STN1: variants seen among roughly 807,000 people sequenced by gnomAD.
The protein encoded by STN1 is CST complex subunit STN1.
In STN1, 29 loss-of-function variants were observed where a neutral mutation model predicts 45.5. The ratio of observed to expected loss-of-function variants is 0.64; its 90% CI spans 0.47 to 0.87. STN1 has a LOEUF of 0.87. STN1 is among the 40% of genes least tolerant of loss of function. The pLI, the probability that STN1 is intolerant of heterozygous loss-of-function variation, is 0.00. For missense variants in STN1, 376 were observed against 441.4 expected, an observed-to-expected ratio of 0.85 and a Z score of 1.33; for synonymous variants, 148 against 159.0, an observed-to-expected ratio of 0.93 and a Z score of 0.52.
At position 103,882,566 on chromosome 10, in the gene STN1, G is replaced by C; in HGVS notation, c.*118C>G. 9.4e-7 allele frequency: 1 copy of C among 1,063,248 alleles called. No individual in the cohort carries two copies. Among genetic ancestry groups the C allele is most frequent in the Non-Finnish European group, 1.3e-6 (1 of 747,232 alleles). The allele number at this position is 1,063,248 out of a possible 1,614,324, so 65.9% of individuals were successfully genotyped here. On this transcript the variant is annotated 3_prime_UTR_variant, in exon 10 of 10. Transcript: ENST00000224950. Reference sequence around the variant, plus strand: ...ATTCCCAAGATGACTATATTTTATAGTTTATTATGAGGTAACTGCCTCCAG... The same window carrying C: ...ATTCCCAAGATGACTATATTTTATACTTTATTATGAGGTAACTGCCTCCAG...
Position 103,882,608 on chromosome 10 carries a change from A to G in STN1, c.*76T>C. ...TGCCTCCAGACAGATAAGCCCCTGC[A>G]TGATGCTGAAAGTCAGAGCCTGGGG... On this transcript the variant is annotated 3_prime_UTR_variant, in exon 10 of 10. Transcript: ENST00000224950. 1.4e-6 allele frequency: 2 copies of G among 1,461,272 alleles called. No individual in the cohort carries two copies. Among genetic ancestry groups the G allele is most frequent in the Non-Finnish European group, 1.9e-6 (2 of 1,078,516 alleles). 90.5% of individuals were successfully genotyped at this position (1,461,272 alleles called of 1,614,324 possible).
intron 8 of STN1, 42 bp from the exon 9 acceptor site, chr10:103,889,186 A>G (rs753995532): frequency 7.8e-7 from 1 of 1,285,784 alleles, no homozygotes; most frequent in Non-Finnish European, 1.1e-6. Flanking sequence ...GTTCTTAGGT[A>G]ACACAGCAGT....
chr10:103,878,192 G>T lies in STN1; in HGVS notation c.*4492C>A, dbSNP rs963357050. The T allele has an allele frequency of 6.6e-6, 1 of 152,232 alleles. No individual in the cohort carries two copies. The highest frequency in any genetic ancestry group is 1.5e-5 in the Non-Finnish European group (1 of 68,054). The allele number at this position is 152,232 out of a possible 1,614,324, so 9.4% of individuals were successfully genotyped here. On this transcript the variant is annotated 3_prime_UTR_variant, in exon 10 of 10. Transcript: ENST00000224950. ...CCTTGACCAGACAGTAGCACTATTTGTCTTCTTGCCTACACAAGCTACATG... is the reference window on the plus strand; with the variant it reads ...CCTTGACCAGACAGTAGCACTATTTTTCTTCTTGCCTACACAAGCTACATG...
intron 3 of STN1, among the ~76,000 whole-genome samples, chr10:103,908,737 A>C (rs575453565): frequency 6.6e-6 from 1 of 152,340 alleles, no homozygotes; most frequent in East Asian, 1.9e-4. Context: ...ATAGTGCCTT[A>C]ATCTTTTTAT....
intron 9 of STN1, among the ~76,000 whole-genome samples, chr10:103,888,806 A>G (rs572823837): frequency 2.0e-5 from 3 of 152,332 alleles, no homozygotes; most frequent in South Asian, 2.1e-4. Flanking sequence ...TGGAAACAAA[A>G]TCCCCAGGGT....
At position 103,882,412 on chromosome 10, in the gene STN1, A is replaced by G. The variant is rs1843075032; in HGVS notation, c.*272T>C. The G allele has an allele frequency of 2.7e-6, 1 of 364,482 alleles. No homozygotes were observed. The highest frequency in any genetic ancestry group is 5.0e-6 in the Non-Finnish European group (1 of 199,622). The allele number at this position is 364,482 out of a possible 1,614,324, so 22.6% of individuals were successfully genotyped here. ...TGTTTCCTCCCCATTCTGCTCTGCG[A>G]ACAACGCACAGTCCAGCCAGGAGCT... On this transcript the variant is annotated 3_prime_UTR_variant, in exon 10 of 10. Transcript: ENST00000224950.
chr10:103,917,384 T>TAG (rs1843340729), intron 2 of STN1, 78 bp downstream of exon 2: 2 of 1,441,984 alleles, frequency 1.4e-6, no homozygotes, highest in Non-Finnish European at 1.9e-6. Context: ...CCTAAAAGCC[T>TAG]CTAATCCCAG....
In STN1 at chr10:103,882,602, C is replaced by G; in HGVS notation, c.*82G>C. ...GGTAACTGCCTCCAGACAGATAAGCCCCTGCATGATGCTGAAAGTCAGAGC... is the reference window on the plus strand; with the variant it reads ...GGTAACTGCCTCCAGACAGATAAGCGCCTGCATGATGCTGAAAGTCAGAGC... On this transcript the variant is annotated 3_prime_UTR_variant, in exon 10 of 10. Transcript: ENST00000224950. 7.1e-7 allele frequency: 1 copy of G among 1,410,846 alleles called. No homozygotes were observed. The highest frequency in any genetic ancestry group is 9.7e-7 in the Non-Finnish European group (1 of 1,036,038). The allele number at this position is 1,410,846 out of a possible 1,614,324, so 87.4% of individuals were successfully genotyped here.
rs779189151 is a variant in STN1 at position 103,905,054 on chromosome 10, T to C, written c.295+37A>G. ...ACTACATTGAGTAAAATCCATTAGT[T>C]AGGTGAAAAGTAAAGGAATGTGGCA... On this transcript the variant is annotated intron_variant, in intron 4 of 9. Transcript: ENST00000224950. 1.9e-6 allele frequency: 3 copies of C among 1,566,276 alleles called. No homozygotes were observed. In the Admixed American group the frequency reaches 5.0e-5, roughly 26 times the overall value.
chr10:103,883,802 C>T (rs1202098786), intron 9 of STN1, among the ~76,000 whole-genome samples: 1 of 152,126 alleles, frequency 6.6e-6, no homozygotes, highest in East Asian at 1.9e-4. Flanking sequence ...TAAAAATCCA[C>T]TTATGGGCTA....
chr10:103,888,424 TCTAA>T (rs1843117583), intron 9 of STN1, among the ~76,000 whole-genome samples: 1 of 48,254 alleles, frequency 2.1e-5, no homozygotes, highest in African/African-American at 5.1e-5. Flanking sequence ...TGCTTCCTTC[TCTAA>T]CTAGTGTGGA....
Position 103,893,536 on chromosome 10 carries a change from T to C in STN1, c.754-1284A>G, listed in dbSNP as rs1406804787. On this transcript the variant is annotated intron_variant, in intron 7 of 9. Coordinates refer to ENST00000224950, the MANE Select transcript of STN1 (RefSeq NM_024928.5). ...AAAAGATCAGAGTTCCAAACAAATGTGGCAAAGCTTCCAGAAAAGCATTTG... is the reference window on the plus strand; with the variant it reads ...AAAAGATCAGAGTTCCAAACAAATGCGGCAAAGCTTCCAGAAAAGCATTTG... Among the ~76,000 whole-genome samples the C allele has an allele frequency of 1.3e-5, 2 of 152,168 alleles. 1 individual carries two copies. Among genetic ancestry groups the C allele is most frequent in the African/African-American group, 4.8e-5 (2 of 41,448 alleles).
chr10:103,903,429 A>G (rs1210195439), intron 4 of STN1, among the ~76,000 whole-genome samples: 1 of 152,176 alleles, frequency 6.6e-6, no homozygotes, highest in Non-Finnish European at 1.5e-5. Context: ...TCAAAATCTC[A>G]TGTGTTAGAA....
At chr10:103,902,965 ATTAATACCCATTTTGT>A (rs1387806668) in intron 4 of STN1, among the ~76,000 whole-genome samples, 1 of 152,212 alleles carries the variant, frequency 6.6e-6, no homozygotes, top group African/African-American at 2.4e-5. Flanking sequence ...GACTCTCAGT[ATTAATACCCATTTTGT>A]TGATCTAAAA....
chr10:103,914,366 A>T (rs1388167240), intron 2 of STN1, among the ~76,000 whole-genome samples: 3,600 of 10,178 alleles, frequency 0.35, 330 homozygotes, highest in South Asian at 0.44. Flanking sequence ...ATATATATAT[A>T]TATATATATT....
Position 103,910,508 on chromosome 10 carries a change from C to G in STN1, c.229+19G>C. On this transcript the variant is annotated intron_variant, in intron 3 of 9. Transcript: ENST00000224950. ...TCAGCCTTCTACATCAACTTCATTT[C>G]AGACACAATTGTTCTTACCTCCATA... is the stretch of plus-strand genomic sequence containing the variant. 1.3e-6 allele frequency: 2 copies of G among 1,528,194 alleles called. No individual in the cohort carries two copies. The highest frequency in any genetic ancestry group is 1.8e-6 in the Non-Finnish European group (2 of 1,104,166). 94.7% of individuals were successfully genotyped at this position (1,528,194 alleles called of 1,614,324 possible). A position where few individuals can be genotyped will look rare whatever the true frequency, so the allele number is the denominator to read the frequency against.
rs1312675719 is a variant in STN1 at position 103,878,935 on chromosome 10, G to A, written c.*3749C>T. The A allele has an allele frequency of 6.6e-6, 1 of 152,576 alleles. No homozygotes were observed. The highest frequency in any genetic ancestry group is 1.9e-4 in the East Asian group (1 of 5,202). The allele number at this position is 152,576 out of a possible 1,614,324, so 9.5% of individuals were successfully genotyped here. ...AGGTTAGCTGCTCCTGTGGGTGGCT[G>A]GGTGGTGCTCAGTCCCACGGAGGAA... On this transcript the variant is annotated 3_prime_UTR_variant, in exon 10 of 10. Transcript: ENST00000224950.
At chr10:103,886,158 C>T (rs1371496639) in intron 9 of STN1, among the ~76,000 whole-genome samples, 1 of 152,134 alleles carries the variant, frequency 6.6e-6, no homozygotes, top group East Asian at 1.9e-4. Context: ...TTCTCTCCAG[C>T]TCTGGGATAG....
At position 103,897,577 on chromosome 10, in the gene STN1, G is replaced by T; in HGVS notation, c.724C>A (p.Pro242Thr). The T allele has an allele frequency of 6.2e-7, 1 of 1,614,166 alleles. No homozygotes were observed. The highest frequency in any genetic ancestry group is 8.5e-7 in the Non-Finnish European group (1 of 1,180,000). The change falls in exon 7 of 10, where the codon CCT becomes ACT. Residue 242 changes from proline to threonine, a missense_variant. Pro to Thr is a conservative substitution (Grantham distance 38). Transcript: ENST00000224950. ...VESLLSLANQ[P>T]VIHSASSDQV... ...TCGGAGGAGGCACTGTGAATCACAG[G>T]CTGATTGGCAAGGGACAGCAAAGAC... is the stretch of plus-strand genomic sequence containing the variant.
Sources: gnomAD v4.1 joint callset for allele counts (sites outside exome capture counted in the v4.1 genomes callset) on GRCh38, gnomAD v4.1.1 for gene constraint, MANE v1.5 for transcripts, NCBI Gene and HGNC (gene_info 2026-07-23, HGNC 2026-07-21) for gene names.